The following PPIE variants were observed in gnomAD, a reference collection of about 807,000 sequenced individuals.
PPIE encodes peptidylprolyl isomerase E.
PPIE carries 20 observed loss-of-function variants against 38.4 expected under a neutral mutation model. The observed-to-expected ratio is 0.52, with a 90% CI of 0.37 to 0.76. The LOEUF (loss-of-function observed/expected upper bound fraction) is 0.76, where lower values mean the gene tolerates loss of function less well. Among genes scored for constraint, PPIE ranks in the 30% least tolerant of loss-of-function variants. The pLI, the probability that PPIE is intolerant of heterozygous loss-of-function variation, is 0.00. For missense variants in PPIE, 322 were observed against 385.8 expected, an observed-to-expected ratio of 0.83 and a Z score of 1.39; for synonymous variants, 142 against 135.7, an observed-to-expected ratio of 1.05 and a Z score of -0.32.
At chr1:39,762,022 C>T (rs1649057935) in intron 9 of PPIE, among the ~76,000 whole-genome samples, 1 of 152,206 alleles carries the variant, frequency 6.6e-6, no homozygotes, top group African/African-American at 2.4e-5. Context: ...ACACATGCAG[C>T]CATGAGAACC....
chr1:39,748,242 A>C (rs1402990308), intron 7 of PPIE: 1 of 152,172 alleles, frequency 6.6e-6, no homozygotes, highest in African/African-American at 2.4e-5. Context: ...ATAAAATCTA[A>C]TTATTTTTTT....
chr1:39,763,712 C>T, exon 10 of PPIE: 1 of 1,599,596 alleles, frequency 6.3e-7, no homozygotes, highest in Middle Eastern at 1.8e-4. Context: ...CAGCAATTAC[C>T]AGCCAGCCGA....
Position 39,755,562 on chromosome 1 carries a change from A to G in PPIE, c.*2207A>G, listed in dbSNP as rs553602526. On this transcript the variant is annotated 3_prime_UTR_variant, in exon 10 of 10. Transcript: ENST00000324379. Reference sequence around the variant, plus strand: ...AGTCACAGGTGTTAGGCAGGCATCTATGAAGCTGGGGATGATAGCACTGAC... The same window carrying G: ...AGTCACAGGTGTTAGGCAGGCATCTGTGAAGCTGGGGATGATAGCACTGAC... The G allele has an allele frequency of 7.4e-4, 734 of 985,322 alleles. No individual in the cohort carries two copies. Among genetic ancestry groups the G allele is most frequent in the Non-Finnish European group, 8.6e-4 (712 of 829,938 alleles). 61.0% of individuals were successfully genotyped at this position (985,322 alleles called of 1,614,324 possible). A position where few individuals can be genotyped will look rare whatever the true frequency, so the allele number is the denominator to read the frequency against.
chr1:39,741,780 G>T (rs1292036383), intron 3 of PPIE, 115 bp from the exon 4 acceptor site: 1 of 1,173,778 alleles, frequency 8.5e-7, no homozygotes, highest in Non-Finnish European at 1.2e-6. Flanking sequence ...CAAAACCTAG[G>T]CAAGAAATAC....
Position 39,756,350 on chromosome 1 carries a change from C to T in PPIE, c.*2995C>T. On this transcript the variant is annotated 3_prime_UTR_variant, in exon 10 of 10. Transcript: ENST00000324379. ...GGACTGGGCACAGGGCTTCCTTTTG[C>T]TGATTCATTTCCCCCCTAACTCATT... is the stretch of plus-strand genomic sequence containing the variant. 1 of 985,448 alleles carries T rather than the reference C, an allele frequency of 1.0e-6. No individual in the cohort carries two copies. Among genetic ancestry groups the T allele is most frequent in the Non-Finnish European group, 1.2e-6 (1 of 829,932 alleles). The allele number at this position is 985,448 out of a possible 1,614,324, so 61.0% of individuals were successfully genotyped here.
At chr1:39,746,636 A>G (rs1647213322) in intron 7 of PPIE, 1 of 152,226 alleles carries the variant, frequency 6.6e-6, no homozygotes, top group Non-Finnish European at 1.5e-5. Context: ...ACTTTCTTAA[A>G]TGGGCTTTCA....
At chr1:39,762,557 GA>G (rs759044704) in intron 9 of PPIE, 3 of 1,550,294 alleles carry the variant, frequency 1.9e-6, no homozygotes, top group Non-Finnish European at 2.6e-6. Context: ...AGGGGATCCA[GA>G]AAAAACAAAG....
chr1:39,739,218 G>A, intron 1 of PPIE: 1 of 379,652 alleles, frequency 2.6e-6, no homozygotes. Flanking sequence ...TGCCCCCAAG[G>A]TTCAGGTTAT....
chr1:39,755,995 G>A lies in PPIE; in HGVS notation c.*2640G>A. 1.0e-6 allele frequency: 1 copy of A among 985,430 alleles called. No individual in the cohort carries two copies. The highest frequency in any genetic ancestry group is 1.2e-6 in the Non-Finnish European group (1 of 829,924). 61.0% of individuals were successfully genotyped at this position (985,430 alleles called of 1,614,324 possible). A position where few individuals can be genotyped will look rare whatever the true frequency, so the allele number is the denominator to read the frequency against. On this transcript the variant is annotated 3_prime_UTR_variant, in exon 10 of 10. Transcript: ENST00000324379. ...GCGGCAGGGTCCACAGCCCTGGGGAGTGACACAGTCATGGTCCCCATGATT... is the reference window on the plus strand; with the variant it reads ...GCGGCAGGGTCCACAGCCCTGGGGAATGACACAGTCATGGTCCCCATGATT...
chr1:39,754,957 A>G lies in PPIE; in HGVS notation c.*1602A>G. The G allele has an allele frequency of 1.0e-6, 1 of 961,792 alleles. No individual in the cohort carries two copies. Among genetic ancestry groups the G allele is most frequent in the Non-Finnish European group, 1.2e-6 (1 of 808,364 alleles). 59.6% of individuals were successfully genotyped at this position (961,792 alleles called of 1,614,324 possible). On this transcript the variant is annotated 3_prime_UTR_variant, in exon 10 of 10. Transcript: ENST00000324379. Reference sequence around the variant, plus strand: ...AAATTGACACACAAAATAGACCATCACAGTCCCAAGGCCTAAAATACTTAC... The same window carrying G: ...AAATTGACACACAAAATAGACCATCGCAGTCCCAAGGCCTAAAATACTTAC...
chr1:39,763,079 G>A (rs200035026), intron 9 of PPIE: 1 of 1,612,442 alleles, frequency 6.2e-7, no homozygotes, highest in Non-Finnish European at 8.5e-7. Flanking sequence ...GGCAGGATGG[G>A]CATGGTACTG....
chr1:39,741,793 A>C lies in PPIE; in HGVS notation c.175-102A>C, dbSNP rs376382569. On this transcript the variant is annotated intron_variant, in intron 3 of 9. Transcript: ENST00000324379. ...CACAAAACCTAGGCAAGAAATACAG[A>C]GGTGGCATTTTTCTGGATTTTTGCT... 93 of 1,286,992 alleles carry C rather than the reference A, an allele frequency of 7.2e-5. No individual in the cohort carries two copies. In the South Asian group the frequency reaches 8.7e-4, roughly 12 times the overall value. The allele number at this position is 1,286,992 out of a possible 1,614,324, so 79.7% of individuals were successfully genotyped here. A position where few individuals can be genotyped will look rare whatever the true frequency, so the allele number is the denominator to read the frequency against.
chr1:39,739,567 G>T (rs1647006845), intron 1 of PPIE, among the ~76,000 whole-genome samples: 1 of 152,202 alleles, frequency 6.6e-6, no homozygotes, highest in Admixed American at 6.5e-5. Flanking sequence ...CTGGCTGCGG[G>T]ACAAATGACC....
In PPIE at chr1:39,756,012, C is replaced by T; in HGVS notation, c.*2657C>T. ...CCTGGGGAGTGACACAGTCATGGTC[C>T]CCATGATTGGCCAGGACCTGTGTGG... is the stretch of plus-strand genomic sequence containing the variant. On this transcript the variant is annotated 3_prime_UTR_variant, in exon 10 of 10. Coordinates refer to ENST00000324379, the MANE Select transcript of PPIE (RefSeq NM_006112.4). 1.0e-6 allele frequency: 1 copy of T among 985,376 alleles called. No individual in the cohort carries two copies. 61.0% of individuals were successfully genotyped at this position (985,376 alleles called of 1,614,324 possible). A position where few individuals can be genotyped will look rare whatever the true frequency, so the allele number is the denominator to read the frequency against.
chr1:39,763,386 C>CCCCTCCCCAGCCGGCCCTCCCCACCCGG (rs751592521), intron 9 of PPIE, among the ~76,000 whole-genome samples: 1 of 137,340 alleles, frequency 7.3e-6, no homozygotes, highest in African/African-American at 2.7e-5. Flanking sequence ...CACTTTGCGT[C>CCCCTCCCCAGCCGGCCCTCCCCACCCGG]CCCTCCCCAG....
intron 9 of PPIE, chr1:39,762,684 G>A (rs1217411809): frequency 8.7e-6 from 13 of 1,493,544 alleles, no homozygotes; most frequent in South Asian, 4.0e-5. Context: ...CCCACACACT[G>A]TGCACACATA....
At chr1:39,750,684 C>T (rs1328569605) in intron 8 of PPIE, among the ~76,000 whole-genome samples, 9 of 152,198 alleles carry the variant, frequency 5.9e-5, no homozygotes, top group Non-Finnish European at 1.3e-4. Flanking sequence ...GGCAGGACTC[C>T]TGCCTCTTCT....
chr1:39,741,825 C>T, intron 3 of PPIE, 70 bp from the exon 4 acceptor site: 1 of 1,557,008 alleles, frequency 6.4e-7, no homozygotes, highest in Non-Finnish European at 8.8e-7. Flanking sequence ...TGCTACTGAG[C>T]ATGTGTTTAG....
In PPIE at chr1:39,745,431, G is replaced by C. The variant is rs540102410; in HGVS notation, c.441G>C (p.Lys147Asn). The C allele has an allele frequency of 1.9e-6, 3 of 1,614,256 alleles. No individual in the cohort carries two copies. The highest frequency in any genetic ancestry group is 2.5e-6 in the Non-Finnish European group (3 of 1,180,048). ...ATCCTCAGGTGTACATGGACATCAA[G>C]ATTGGGAACAAGCCGGCTGGCCGCA... ...RSNPQVYMDI[K>N]IGNKPAGRIQ... Residue 147 changes from lysine (K) to asparagine (N), a missense_variant, in exon 7 of 10, where the codon AAG (lysine) becomes AAC (asparagine). Transcript: ENST00000324379.
Sources: gnomAD v4.1 joint callset for allele counts (sites outside exome capture counted in the v4.1 genomes callset) on GRCh38, gnomAD v4.1.1 for gene constraint, MANE v1.5 for transcripts, NCBI Gene and HGNC (gene_info 2026-07-23, HGNC 2026-07-21) for gene names.